The following DNM3 variants were observed in gnomAD, a reference collection of about 807,000 sequenced individuals.
DNM3 encodes dynamin-3.
Under a neutral mutation model 101.6 loss-of-function variants are expected in DNM3, and 47 were observed. That is an observed-to-expected ratio of 0.46 (90% CI 0.37 to 0.59). DNM3 has a LOEUF of 0.59. DNM3 is among the 20% of genes least tolerant of loss of function. The pLI, the probability that DNM3 is intolerant of heterozygous loss-of-function variation, is 0.00. For missense variants in DNM3, 849 were observed against 1,085.7 expected, an observed-to-expected ratio of 0.78 and a Z score of 3.06; for synonymous variants, 385 against 387.9, an observed-to-expected ratio of 0.99 and a Z score of 0.09.
chr1:171,925,283 A>G (rs2040479510), intron 2 of DNM3, among the ~76,000 whole-genome samples: 1 of 150,632 alleles, frequency 6.6e-6, no homozygotes, highest in Non-Finnish European at 1.5e-5. Flanking sequence ...GCTGGAGTGC[A>G]GTGGTGCGAT....
intron 14 of DNM3, among the ~76,000 whole-genome samples, chr1:172,205,238 A>G (rs1483454631): frequency 2.6e-5 from 4 of 152,112 alleles, no homozygotes; most frequent in Non-Finnish European, 5.9e-5. Context: ...TTTTGCTATC[A>G]TCTCTAGCCA....
chr1:171,853,753 C>T (rs1228607740), intron 1 of DNM3, among the ~76,000 whole-genome samples: 2 of 152,168 alleles, frequency 1.3e-5, no homozygotes, highest in African/African-American at 4.8e-5. Context: ...CTCTCACTCT[C>T]TCCATTTCTT....
intron 18 of DNM3, among the ~76,000 whole-genome samples, chr1:172,382,206 T>C (rs2068948181): frequency 6.6e-6 from 1 of 152,050 alleles, no homozygotes; most frequent in Non-Finnish European, 1.5e-5. Context: ...AAATAGCAAG[T>C]TTATGACAGA....
intron 19 of DNM3, 79 bp from the exon 20 acceptor site, chr1:172,388,494 G>A: frequency 8.1e-7 from 1 of 1,236,032 alleles, no homozygotes; most frequent in Non-Finnish European, 1.1e-6. Flanking sequence ...TTAAAAAGCA[G>A]GAAGTTACAA....
At chr1:172,220,556 G>C (rs186084475) in intron 14 of DNM3, among the ~76,000 whole-genome samples, 51 of 152,218 alleles carry the variant, frequency 3.4e-4, no homozygotes, top group African/African-American at 2.4e-4. Context: ...TATATTTCTT[G>C]AAAATTTTCT....
intron 17 of DNM3, among the ~76,000 whole-genome samples, chr1:172,336,297 C>T (rs1389332326): frequency 2.0e-5 from 3 of 151,974 alleles, no homozygotes; most frequent in Middle Eastern, 3.2e-3. Flanking sequence ...TTGATTAAAC[C>T]CAGGGTTAAG....
At chr1:172,331,592 C>A (rs1353525790) in intron 17 of DNM3, among the ~76,000 whole-genome samples, 4 of 152,118 alleles carry the variant, frequency 2.6e-5, no homozygotes, top group Non-Finnish European at 5.9e-5. Flanking sequence ...CCACCAGACA[C>A]CTCCAGTGAA....
At chr1:172,369,118 C>G (rs1437243346) in intron 17 of DNM3, among the ~76,000 whole-genome samples, 1 of 151,750 alleles carries the variant, frequency 6.6e-6, no homozygotes, top group Non-Finnish European at 1.5e-5. Context: ...TTTTTTCAAA[C>G]TCATTCCATG....
intron 2 of DNM3, among the ~76,000 whole-genome samples, chr1:171,925,620 G>A (rs1052523679): frequency 3.3e-5 from 5 of 152,136 alleles, no homozygotes; most frequent in Non-Finnish European, 1.5e-5. Context: ...TTTATTGGAT[G>A]CATAGTTTGC....
At chr1:172,275,813 A>T (rs1425558947) in intron 15 of DNM3, among the ~76,000 whole-genome samples, 1 of 152,056 alleles carries the variant, frequency 6.6e-6, no homozygotes, top group Non-Finnish European at 1.5e-5. Context: ...TTGCCTTGAA[A>T]TTTCTCCTTG....
chr1:172,131,967 G>C (rs1359329407), intron 14 of DNM3, among the ~76,000 whole-genome samples: 1 of 152,150 alleles, frequency 6.6e-6, no homozygotes, highest in Non-Finnish European at 1.5e-5. Flanking sequence ...AACCATTTAA[G>C]TGCTAGAAAT....
At chr1:172,318,837 C>A (rs1157275765) in intron 16 of DNM3, among the ~76,000 whole-genome samples, 1 of 152,148 alleles carries the variant, frequency 6.6e-6, no homozygotes, top group Non-Finnish European at 1.5e-5. Flanking sequence ...GATTCAGTGC[C>A]ATCCCCATCA....
At chr1:171,880,278 T>A (rs1046517473) in intron 1 of DNM3, among the ~76,000 whole-genome samples, 7 of 152,216 alleles carry the variant, frequency 4.6e-5, no homozygotes, top group Non-Finnish European at 7.3e-5. Context: ...ATTTTTTTGT[T>A]TGCATTATCT....
intron 15 of DNM3, among the ~76,000 whole-genome samples, chr1:172,268,535 A>C (rs960593531): frequency 6.6e-6 from 1 of 152,172 alleles, no homozygotes; most frequent in African/African-American, 2.4e-5. Flanking sequence ...GGAGGGGGAA[A>C]ATATTTTTAA....
intron 4 of DNM3, among the ~76,000 whole-genome samples, chr1:171,994,590 A>G (rs1210063123): frequency 6.6e-6 from 1 of 151,940 alleles, no homozygotes; most frequent in Non-Finnish European, 1.5e-5. Flanking sequence ...TTTGCACAAA[A>G]CCCCAAACAT....
chr1:172,255,641 T>C (rs537030065), intron 15 of DNM3, among the ~76,000 whole-genome samples: 1 of 152,218 alleles, frequency 6.6e-6, no homozygotes, highest in Admixed American at 6.5e-5. Context: ...AAAAAGGTAT[T>C]GAATTCTGCT....
chr1:172,283,881 A>G (rs1210142768), intron 15 of DNM3, among the ~76,000 whole-genome samples: 1 of 152,010 alleles, frequency 6.6e-6, no homozygotes, highest in Admixed American at 6.6e-5. Context: ...TCCCTAGGAA[A>G]GTGCTATGTT....
At chr1:171,903,390 A>AT (rs1363493074) in intron 1 of DNM3, among the ~76,000 whole-genome samples, 2 of 152,000 alleles carry the variant, frequency 1.3e-5, no homozygotes, top group Admixed American at 6.6e-5. Context: ...TTCTGTATGT[A>AT]TTTTTTTCCA....
chr1:172,258,485 C>G (rs2062510515), intron 15 of DNM3, among the ~76,000 whole-genome samples: 2 of 151,966 alleles, frequency 1.3e-5, no homozygotes, highest in Non-Finnish European at 2.9e-5. Context: ...CTTTCTGATT[C>G]AATCTTCGTA....
Sources: gnomAD v4.1 joint callset for allele counts (sites outside exome capture counted in the v4.1 genomes callset) on GRCh38, gnomAD v4.1.1 for gene constraint, MANE v1.5 for transcripts, NCBI Gene and HGNC (gene_info 2026-07-23, HGNC 2026-07-21) for gene names.